Variants in EPGN observed in about 807,000 individuals in gnomAD.
The protein encoded by EPGN is epigen.
EPGN carries 21 observed loss-of-function variants against 20.7 expected under a neutral mutation model. The ratio of observed to expected loss-of-function variants is 1.01; its 90% CI spans 0.72 to 1.46. EPGN has a LOEUF of 1.46. Among genes scored for constraint, EPGN ranks in the 40% most tolerant of loss-of-function variants. The pLI is 0.00. For missense variants in EPGN, 199 were observed against 180.7 expected, an observed-to-expected ratio of 1.10 and a Z score of -0.58; for synonymous variants, 69 against 63.8, an observed-to-expected ratio of 1.08 and a Z score of -0.39.
rs544641356 is a variant in EPGN at position 74,314,608 on chromosome 4, G to A, written c.436G>A (p.Val146Ile). ...RCLKLKSPYN[V>I]CSGERRPL ...TCTAAAATTGAAATCGCCTTACAATGTCTGTTCTGGAGAAAGACGACCACT... is the reference window on the plus strand; with the variant it reads ...TCTAAAATTGAAATCGCCTTACAATATCTGTTCTGGAGAAAGACGACCACT... The change falls in exon 5 of 5, where the codon GTC becomes ATC. Residue 146 changes from valine (V) to isoleucine (I), a missense_variant. Physicochemically the swap from Val to Ile is conservative, Grantham distance 29 (BLOSUM62 3). Transcript: ENST00000413830. The A allele has an allele frequency of 1.3e-6, 2 of 1,536,072 alleles. No homozygotes were observed. The highest frequency in any genetic ancestry group is 2.0e-5 in the Admixed American group (1 of 51,004).
chr4:74,312,958 G>T, intron 3 of EPGN, 60 bp from the exon 4 acceptor site: 1 of 1,303,320 alleles, frequency 7.7e-7, no homozygotes, highest in South Asian at 1.4e-5. Flanking sequence ...TATTGAAACA[G>T]GTTATTTGTA....
chr4:74,312,979 C>A (rs749607941), intron 3 of EPGN, 39 bp from the exon 4 acceptor site: 35 of 1,460,510 alleles, frequency 2.4e-5, no homozygotes, highest in Non-Finnish European at 3.2e-5. Context: ...TTTCTACCAC[C>A]GTAGGTTTTA....
At position 74,309,173 on chromosome 4, in the gene EPGN, A is replaced by G. The variant is rs755886649; in HGVS notation, c.124A>G (p.Lys42Glu). The change falls in exon 2 of 5, where the codon AAA becomes GAA. Residue 42 changes from lysine (K) to glutamate (E), a missense_variant. Coordinates refer to ENST00000413830, the MANE Select transcript of EPGN (RefSeq NM_001270989.2). ...TAQQGNWTVN[K>E]TEADNIEGPI... ...CCAGCAAGGTAACTGGACAGTTAAC[A>G]AAACAGAAGGTATTTTCTTCCCATT... 6.2e-7 allele frequency: 1 copy of G among 1,611,850 alleles called. No individual in the cohort carries two copies. Among genetic ancestry groups the G allele is most frequent in the East Asian group, 2.2e-5 (1 of 44,742 alleles).
chr4:74,310,677 T>A (rs1019254763), intron 2 of EPGN, among the ~76,000 whole-genome samples: 2 of 152,080 alleles, frequency 1.3e-5, no homozygotes, highest in African/African-American at 4.8e-5. Flanking sequence ...GGTTGAACAT[T>A]GGTTCCAAGA....
intron 4 of EPGN, chr4:74,313,540 T>G (rs1310362842): frequency 9.3e-7 from 1 of 1,079,076 alleles, no homozygotes; most frequent in East Asian, 6.0e-5. Context: ...CAACACACAC[T>G]GAGTAAATAT....
chr4:74,308,606 T>G (rs1188545131), intron 1 of EPGN, 30 bp downstream of exon 1: 1 of 1,579,696 alleles, frequency 6.3e-7, no homozygotes, highest in Non-Finnish European at 8.7e-7. Flanking sequence ...TTTGTTAACT[T>G]TATATCAGTG....
chr4:74,309,155 G>A lies in EPGN; in HGVS notation c.106G>A (p.Gly36Ser). 6.2e-7 allele frequency: 1 copy of A among 1,613,374 alleles called. No homozygotes were observed. The highest frequency in any genetic ancestry group is 8.5e-7 in the Non-Finnish European group (1 of 1,179,536). The change falls in exon 2 of 5, where the codon GGT becomes AGT. Residue 36 changes from glycine (G) to serine (S), a missense_variant. By Grantham distance (56) the Gly-to-Ser change is moderately conservative. Coordinates refer to ENST00000413830, the MANE Select transcript of EPGN (RefSeq NM_001270989.2). ...AACACCTCCAATCACAGCCCAGCAA[G>A]GTAACTGGACAGTTAACAAAACAGA... Reference protein sequence around the residue: ...TVTPPITAQQGNWTVNKTEAD... With the variant: ...TVTPPITAQQSNWTVNKTEAD...
At position 74,312,200 on chromosome 4, in the gene EPGN, G is replaced by A. The variant is rs750380039; in HGVS notation, c.149G>A (p.Gly50Glu). 105 of 1,608,132 alleles carry A rather than the reference G, an allele frequency of 6.5e-5. No individual in the cohort carries two copies. In the South Asian group the frequency reaches 9.9e-4, roughly 15 times the overall value. Residue 50 changes from glycine (G) to glutamate (E), a missense_variant, in exon 3 of 5, where the codon GGA (glycine) becomes GAA (glutamate). By Grantham distance (98) the Gly-to-Glu change is moderately conservative. Coordinates refer to ENST00000413830, the MANE Select transcript of EPGN (RefSeq NM_001270989.2). ...VNKTEADNIE[G>E]PIALKFSHLC... ...CTTTTCCTAGCTGACAACATAGAAGGACCCATAGCCTTGAAGTTCTCACAC... is the reference window on the plus strand; with the variant it reads ...CTTTTCCTAGCTGACAACATAGAAGAACCCATAGCCTTGAAGTTCTCACAC...
chr4:74,312,462 G>A (rs2110354073), intron 3 of EPGN, among the ~76,000 whole-genome samples, 157 bp downstream of exon 3: 1 of 152,202 alleles, frequency 6.6e-6, no homozygotes, highest in Middle Eastern at 3.4e-3. Flanking sequence ...AATATCTAAG[G>A]AGTCTTTTGT....
chr4:74,310,492 A>G (rs1466037639), intron 2 of EPGN, among the ~76,000 whole-genome samples: 1 of 150,950 alleles, frequency 6.6e-6, no homozygotes, highest in Non-Finnish European at 1.5e-5. Context: ...AAAAGAAGAT[A>G]ATATACTGCA....
In EPGN at chr4:74,314,928, G is replaced by A. The variant is rs186706404; in HGVS notation, c.*291G>A. The A allele has an allele frequency of 6.8e-4, 273 of 400,360 alleles. 1 individual carries two copies. The highest frequency in any genetic ancestry group is 5.3e-3 in the African/African-American group (254 of 48,040). 24.8% of individuals were successfully genotyped at this position (400,360 alleles called of 1,614,324 possible). On this transcript the variant is annotated 3_prime_UTR_variant, in exon 5 of 5. Coordinates refer to ENST00000413830, the MANE Select transcript of EPGN (RefSeq NM_001270989.2). ...ATTATTCTCACTACAGAAAGACTGAGTTTCATGCTCCTGGCTATGTCAGAT... is the reference window on the plus strand; with the variant it reads ...ATTATTCTCACTACAGAAAGACTGAATTTCATGCTCCTGGCTATGTCAGAT...
rs1257838573 is a variant in EPGN, at chr4:74,313,134, G to A, written c.371G>A (p.Gly124Asp). 6.2e-7 allele frequency: 1 copy of A among 1,611,898 alleles called. No homozygotes were observed. Among genetic ancestry groups the A allele is most frequent in the Non-Finnish European group, 8.5e-7 (1 of 1,179,294 alleles). ...ATTGGTGTTGGATTACTATTAAGTG[G>A]TTTTCTTGTTATTTTTTACTGCTAT... ...IGIGVGLLLS[G>D]FLVIFYCYIR... The change falls in exon 4 of 5, where the codon GGT becomes GAT. Residue 124 changes from glycine to aspartate, a missense_variant. Transcript: ENST00000413830.
At chr4:74,313,786 G>A (rs1469166027) in intron 4 of EPGN, among the ~76,000 whole-genome samples, 1 of 152,072 alleles carries the variant, frequency 6.6e-6, no homozygotes, top group African/African-American at 2.4e-5. Context: ...ATAAAGTCAA[G>A]AAATAAAGTG....
intron 2 of EPGN, among the ~76,000 whole-genome samples, chr4:74,311,246 C>A (rs942569397): frequency 6.6e-6 from 1 of 151,946 alleles, no homozygotes; most frequent in Non-Finnish European, 1.5e-5. Flanking sequence ...ATAGAAAGCA[C>A]CCAGCACAGT....
At chr4:74,310,072 A>G (rs537815496) in intron 2 of EPGN, among the ~76,000 whole-genome samples, 3 of 152,330 alleles carry the variant, frequency 2.0e-5, no homozygotes, top group African/African-American at 7.2e-5. Context: ...GCAAAACGAA[A>G]TCAATGTGGG....
rs1399040850 is a variant in EPGN, at chr4:74,309,144, C to A, written c.95C>A (p.Thr32Lys). 1 of 1,613,514 alleles carries A rather than the reference C, an allele frequency of 6.2e-7. No individual in the cohort carries two copies. The highest frequency in any genetic ancestry group is 8.5e-7 in the Non-Finnish European group (1 of 1,179,678). Residue 32 changes from threonine to lysine, a missense_variant, in exon 2 of 5, where the codon ACA (threonine) becomes AAA (lysine). By Grantham distance (78) the Thr-to-Lys change is moderately conservative (BLOSUM62 -1). Coordinates refer to ENST00000413830, the MANE Select transcript of EPGN (RefSeq NM_001270989.2). ...GCCGTGACTGTAACACCTCCAATCA[C>A]AGCCCAGCAAGGTAACTGGACAGTT... ...EAAVTVTPPI[T>K]AQQGNWTVNK...
intron 4 of EPGN, chr4:74,314,193 C>T: frequency 2.1e-6 from 1 of 468,316 alleles, no homozygotes. Context: ...AAAGATGTGG[C>T]TTTAACTGAA....
chr4:74,313,993 G>A, intron 4 of EPGN: 1 of 372,588 alleles, frequency 2.7e-6, no homozygotes, highest in Non-Finnish European at 5.2e-6. Flanking sequence ...ATAATAATAA[G>A]GGGGAGGAGG....
intron 2 of EPGN, among the ~76,000 whole-genome samples, chr4:74,310,571 T>C (rs1216418855): frequency 6.6e-6 from 1 of 152,100 alleles, no homozygotes; most frequent in African/African-American, 2.4e-5. Flanking sequence ...ACTAAATTTT[T>C]TTTTCTTCCT....
Sources: allele counts gnomAD v4.1 joint callset (sites outside exome capture counted in the v4.1 genomes callset), GRCh38; gene constraint gnomAD v4.1.1; transcripts MANE v1.5; gene names NCBI Gene and HGNC (gene_info 2026-07-23, HGNC 2026-07-21).